The following AMBRA1 variants were observed in gnomAD, a reference collection of about 807,000 sequenced individuals.
The protein encoded by AMBRA1 is activating molecule in BECN1-regulated autophagy protein 1.
A neutral mutation model predicts 125.4 loss-of-function variants in AMBRA1; 47 were observed. The ratio of observed to expected loss-of-function variants is 0.37; its 90% confidence interval spans 0.30 to 0.48. AMBRA1 has a LOEUF of 0.48. Ranked by LOEUF, AMBRA1 falls within the 20% of genes least tolerant of loss-of-function variation. AMBRA1 has a pLI of 0.99. For synonymous variants in AMBRA1, 626 were observed against 655.5 expected, an observed-to-expected ratio of 0.95 and a Z score of 0.69; for missense variants, 1,331 against 1,693.4, an observed-to-expected ratio of 0.79 and a Z score of 3.76.
intron 11 of AMBRA1, among the ~76,000 whole-genome samples, chr11:46,454,518 G>A (rs866548985): frequency 6.8e-5 from 10 of 147,906 alleles, no homozygotes; most frequent in Middle Eastern, 7.0e-3. Flanking sequence ...GGTGGATCAC[G>A]AGGTCAGGAG....
rs533548194 is a variant in AMBRA1, at chr11:46,525,286, T to C, written c.2073-12473A>G. On this transcript the variant is annotated intron_variant, in intron 7 of 17. Coordinates refer to ENST00000683756, the MANE Select transcript of AMBRA1 (RefSeq NM_001387011.1). The stretch of plus-strand genomic sequence containing the variant: ...ACTGCATTCCAGCCTGGGCAACCGA[T>C]TGAAACCCTGTTTCAAAAATAAATA... 5.3e-5 allele frequency among the ~76,000 whole-genome samples: 8 copies of C among 150,150 alleles called. No homozygotes were observed. The East Asian group carries it at 1.2e-3, about 23-fold the overall frequency.
At chr11:46,436,181 G>A (rs1319826200) in intron 12 of AMBRA1, among the ~76,000 whole-genome samples, 1 of 152,196 alleles carries the variant, frequency 6.6e-6, no homozygotes, top group Non-Finnish European at 1.5e-5. Flanking sequence ...GTGATCTACT[G>A]CAGTAATCCA....
At position 46,593,864 on chromosome 11, in the gene AMBRA1, G is replaced by A. The variant is rs1191761600; in HGVS notation, c.-157C>T. On this transcript the variant is annotated 5_prime_UTR_variant, in exon 1 of 18. Transcript: ENST00000683756. ...ACGGGAGCTCGGTTTGCAGTCCAGC[G>A]AACGGGCTGAGCCACAGGGAAAAAG... 5.0e-6 allele frequency: 2 copies of A among 397,586 alleles called. No homozygotes were observed. The highest frequency in any genetic ancestry group is 8.9e-6 in the Non-Finnish European group (2 of 225,902). The allele number at this position is 397,586 out of a possible 1,614,324, so 24.6% of individuals were successfully genotyped here. A position where few individuals can be genotyped will look rare whatever the true frequency, so the allele number is the denominator to read the frequency against.
At chr11:46,497,363 T>C (rs1950672544) in intron 9 of AMBRA1, among the ~76,000 whole-genome samples, 1 of 152,150 alleles carries the variant, frequency 6.6e-6, no homozygotes, top group Non-Finnish European at 1.5e-5. Flanking sequence ...CGAGGCACTA[T>C]AAAAGAGGCA....
At chr11:46,422,830 G>A (rs1946914475) in intron 14 of AMBRA1, among the ~76,000 whole-genome samples, 1 of 152,168 alleles carries the variant, frequency 6.6e-6, no homozygotes, top group Admixed American at 6.5e-5. Context: ...CTAAAACCTC[G>A]CAGTGGTGGC....
intron 10 of AMBRA1, 167 bp downstream of exon 10, chr11:46,493,957 A>T: frequency 1.4e-6 from 1 of 692,950 alleles, no homozygotes; most frequent in Non-Finnish European, 2.4e-6. Flanking sequence ...ATCTCTTTTG[A>T]ATGTGGCTAA....
intron 9 of AMBRA1, chr11:46,495,057 G>A (rs1329344547): frequency 6.6e-6 from 1 of 152,242 alleles, no homozygotes; most frequent in Non-Finnish European, 1.5e-5. Flanking sequence ...ATTCAAGGAA[G>A]ATTGGACTTT....
rs562722535 is a variant in AMBRA1 at position 46,450,971 on chromosome 11, A to G, written c.2522-7373T>C. On this transcript the variant is annotated intron_variant, in intron 11 of 17. Transcript: ENST00000683756. ...GCCTGTGGGTGTAAGGGGAGGGAGT[A>G]TATGGGAACTGTCTGTATTTTCCAC... is the stretch of plus-strand genomic sequence containing the variant. Among the ~76,000 whole-genome samples, 11 of 152,338 alleles carry G rather than the reference A, an allele frequency of 7.2e-5. No individual in the cohort carries two copies. The East Asian group carries it at 1.9e-3, about 27-fold the overall frequency.
intron 1 of AMBRA1, among the ~76,000 whole-genome samples, chr11:46,568,298 A>G (rs949855670): frequency 6.6e-6 from 1 of 152,032 alleles, no homozygotes; most frequent in African/African-American, 2.4e-5. Flanking sequence ...TCTCTACTAA[A>G]AATACAAAAA....
Position 46,408,616 on chromosome 11 carries a change from T to C in AMBRA1, c.3300A>G (p.Thr1100=), listed in dbSNP as rs750777654. 6.2e-7 allele frequency: 1 copy of C among 1,610,128 alleles called. No individual in the cohort carries two copies. Among genetic ancestry groups the C allele is most frequent in the South Asian group, 1.1e-5 (1 of 90,764 alleles). The change falls in exon 17 of 18, where the codon ACA becomes ACG. Residue 1100 remains threonine, a synonymous_variant. Coordinates refer to ENST00000683756, the MANE Select transcript of AMBRA1 (RefSeq NM_001387011.1). Reference sequence around the variant, plus strand: ...GGGCCAGAGTCTGGGTGCCCTGAGATGTCACTGAGGTGGCAGGGTTCCGGG... The same window carrying C: ...GGGCCAGAGTCTGGGTGCCCTGAGACGTCACTGAGGTGGCAGGGTTCCGGG... ...LQPRNPATSV[T]SQGTQTLALQ...
At position 46,447,601 on chromosome 11, in the gene AMBRA1, T is replaced by C. The variant is rs769350998; in HGVS notation, c.2522-4003A>G. Among the ~76,000 whole-genome samples, 48 of 152,210 alleles carry C rather than the reference T, an allele frequency of 3.2e-4. 1 individual carries two copies. Among genetic ancestry groups the C allele is most frequent in the Middle Eastern group, 3.4e-3 (1 of 294 alleles). On this transcript the variant is annotated intron_variant, in intron 11 of 17. Coordinates refer to ENST00000683756, the MANE Select transcript of AMBRA1 (RefSeq NM_001387011.1). ...GGTGGCGTGTACCTGTAGTCCCAGC[T>C]ACCCAGGAGACTGAGGTGGGATAGC...
intron 1 of AMBRA1, among the ~76,000 whole-genome samples, chr11:46,573,352 C>T (rs2043834595): frequency 6.6e-6 from 1 of 151,236 alleles, no homozygotes; most frequent in African/African-American, 2.4e-5. Flanking sequence ...TGCAGTGAGC[C>T]GAGATCAAGC....
chr11:46,404,860 G>A (rs1156677007), intron 17 of AMBRA1, among the ~76,000 whole-genome samples: 1 of 152,140 alleles, frequency 6.6e-6, no homozygotes, highest in Non-Finnish European at 1.5e-5. Flanking sequence ...GCCAGAAATG[G>A]GCTGCATGCT....
intron 7 of AMBRA1, among the ~76,000 whole-genome samples, chr11:46,539,178 C>T (rs980766965): frequency 2.0e-5 from 3 of 151,938 alleles, no homozygotes; most frequent in Admixed American, 2.0e-4. Flanking sequence ...TGTATGGAAG[C>T]TCAGTTATAC....
chr11:46,508,191 T>G lies in AMBRA1; in HGVS notation c.2339A>C (p.Glu780Ala). 6.2e-7 allele frequency: 1 copy of G among 1,614,046 alleles called. No homozygotes were observed. Among genetic ancestry groups the G allele is most frequent in the Non-Finnish European group, 8.5e-7 (1 of 1,179,922 alleles). ...GAAAGCAAGCTGAGTATGTACTTAC[T>G]CAAAGTCCTCAAATTCCAAGTCGGT... ...EGTDLEFEDF[E>A]DNGDRSRHRA... Residue 780 changes from glutamate to alanine, a missense_variant and splice_region_variant, in exon 9 of 18, where the codon GAG (glutamate) becomes GCG (alanine). Physicochemically the swap from Glu to Ala is moderately radical, Grantham distance 107. Coordinates refer to ENST00000683756, the MANE Select transcript of AMBRA1 (RefSeq NM_001387011.1).
intron 7 of AMBRA1, among the ~76,000 whole-genome samples, chr11:46,521,410 A>G (rs1951755482): frequency 6.6e-6 from 1 of 152,266 alleles, no homozygotes; most frequent in Non-Finnish European, 1.5e-5. Flanking sequence ...AGACCCCCAC[A>G]GGGGAAAGAG....
rs59904013 is a variant in AMBRA1, at chr11:46,527,477, C to CAAAAAAAAAAAAAAAAAAA, written c.2072+14449_2072+14467dup. On this transcript the variant is annotated intron_variant, in intron 7 of 17. Transcript: ENST00000683756. ...CCTAGGTGACAAAGTGAGACTGTCT[C>CAAAAAAAAAAAAAAAAAAA]AAAAAAAAAAAAAAAAAAAAAAAAA... 8.9e-4 allele frequency among the ~76,000 whole-genome samples: 23 copies of CAAAAAAAAAAAAAAAAAAA among 25,940 alleles called. 3 individuals carry two copies. Among genetic ancestry groups the CAAAAAAAAAAAAAAAAAAA allele is most frequent in the African/African-American group, 1.8e-3 (9 of 5,090 alleles). 17.0% of individuals were successfully genotyped at this position (25,940 alleles called of 152,430 possible). A position where few individuals can be genotyped will look rare whatever the true frequency, so the allele number is the denominator to read the frequency against.
intron 1 of AMBRA1, among the ~76,000 whole-genome samples, chr11:46,579,449 C>T (rs934771241): frequency 2.0e-5 from 3 of 152,066 alleles, no homozygotes; most frequent in African/African-American, 7.2e-5. Context: ...AAGAGCAAAA[C>T]TCCATCTCAA....
chr11:46,407,326 G>A (rs1224930290), intron 17 of AMBRA1, among the ~76,000 whole-genome samples: 7 of 152,210 alleles, frequency 4.6e-5, no homozygotes, highest in African/African-American at 1.7e-4. Flanking sequence ...GCCTCCTACT[G>A]AGAGGGCTGG....
Sources: allele counts gnomAD v4.1 joint callset (sites outside exome capture counted in the v4.1 genomes callset), GRCh38; gene constraint gnomAD v4.1.1; transcripts MANE v1.5; gene names NCBI Gene and HGNC (gene_info 2026-07-23, HGNC 2026-07-21).